The following CTU2 variants were observed in gnomAD, a reference collection of about 807,000 sequenced individuals.
CTU2 encodes cytoplasmic tRNA 2-thiolation protein 2.
CTU2 carries 80 observed loss-of-function variants against 64.1 expected under a neutral mutation model. The ratio of observed to expected loss-of-function variants is 1.25; its 90% CI spans 1.04 to 1.50. The LOEUF (loss-of-function observed/expected upper bound fraction) is 1.50. Ranked by LOEUF, CTU2 falls within the 40% of genes most tolerant of loss-of-function variation. CTU2 has a pLI of 0.00. For synonymous variants in CTU2, 482 were observed against 285.3 expected, an observed-to-expected ratio of 1.69 and a Z score of -6.95; for missense variants, 1,110 against 690.2, an observed-to-expected ratio of 1.61 and a Z score of -6.81.
At chr16:88,714,331 G>T in intron 10 of CTU2, 52 bp from the exon 11 acceptor site, 1 of 1,603,788 alleles carries the variant, frequency 6.2e-7, no homozygotes, top group Non-Finnish European at 8.5e-7. Flanking sequence ...AGGGCTTAGG[G>T]TGGAGCCCCA....
rs556577728 is a variant in CTU2 at position 88,714,808 on chromosome 16, T to C, written c.1353-52T>C. On this transcript the variant is annotated intron_variant, in intron 12 of 14. Coordinates refer to ENST00000453996, the MANE Select transcript of CTU2 (RefSeq NM_001012759.3). ...AGGGGGACCTGTCCTTACCCCACAC[T>C]GCACGGCATTGAGGTGCCAAGGTGG... is the stretch of plus-strand genomic sequence containing the variant. 6.8e-6 allele frequency: 11 copies of C among 1,611,254 alleles called. No homozygotes were observed. The South Asian group carries it at 1.2e-4, about 18-fold the overall frequency.
chr16:88,711,062 G>T (rs555604218), intron 4 of CTU2, among the ~76,000 whole-genome samples: 134 of 152,298 alleles, frequency 8.8e-4, no homozygotes, highest in African/African-American at 3.1e-3. Context: ...AGAGGAGAGG[G>T]GTCGGCTTTG....
chr16:88,706,959 G>C lies in CTU2; in HGVS notation c.69-177G>C, dbSNP rs568061891. Reference sequence around the variant, plus strand: ...CTTTTCTAGGCTAAACATCCCCCCAGAGCCTTTGTTTTTCTTGAAGTTTGG... The same window carrying C: ...CTTTTCTAGGCTAAACATCCCCCCACAGCCTTTGTTTTTCTTGAAGTTTGG... On this transcript the variant is annotated intron_variant, in intron 1 of 14. Coordinates refer to ENST00000453996, the MANE Select transcript of CTU2 (RefSeq NM_001012759.3). 3.9e-5 allele frequency: 25 copies of C among 646,776 alleles called. No homozygotes were observed. In the South Asian group the frequency reaches 4.8e-4, roughly 13 times the overall value. The allele number at this position is 646,776 out of a possible 1,614,324, so 40.1% of individuals were successfully genotyped here. A position where few individuals can be genotyped will look rare whatever the true frequency, so the allele number is the denominator to read the frequency against.
chr16:88,712,448 C>T (rs935559102), intron 6 of CTU2, 65 bp downstream of exon 6: 17 of 1,475,274 alleles, frequency 1.2e-5, no homozygotes, highest in Non-Finnish European at 1.5e-5. Flanking sequence ...GCCCGTGTCC[C>T]AGCCTCACTG....
intron 2 of CTU2, among the ~76,000 whole-genome samples, chr16:88,707,785 G>A (rs1456660713): frequency 7.1e-6 from 1 of 141,754 alleles, no homozygotes; most frequent in Non-Finnish European, 1.5e-5. Context: ...CCCAGTGGTG[G>A]TGCGTGGTTT....
Position 88,715,074 on chromosome 16 carries a change from C to T in CTU2, c.1446C>T (p.Tyr482=), listed in dbSNP as rs775139996. Residue 482 remains tyrosine (Y), a synonymous_variant, in exon 14 of 15, where the codon TAC becomes TAT. Transcript: ENST00000453996. ...CCTCACTGGACCCCCTGCCGCCGTA[C>T]ATCCTGGCTGAGGCCCAGCTCCGCA... is the stretch of plus-strand genomic sequence containing the variant. ...DLPSLDPLPP[Y]ILAEAQLRTQ... The T allele has an allele frequency of 1.5e-5, 24 of 1,575,166 alleles. No homozygotes were observed. In the South Asian group the frequency reaches 2.2e-4, roughly 15 times the overall value.
At chr16:88,713,522 C>G (rs1454583347) in intron 8 of CTU2, 75 bp downstream of exon 8, 14 of 1,510,468 alleles carry the variant, frequency 9.3e-6, no homozygotes, top group East Asian at 2.3e-5. Context: ...GGAGAGTAGC[C>G]TCTCGCGTAT....
intron 2 of CTU2, among the ~76,000 whole-genome samples, chr16:88,708,427 C>T (rs1166784194): frequency 6.6e-6 from 1 of 151,566 alleles, no homozygotes; most frequent in Non-Finnish European, 1.5e-5. Context: ...CACGTGGACC[C>T]ACCACGCTTG....
At position 88,712,853 on chromosome 16, in the gene CTU2, T is replaced by G. The variant is rs1283854644; in HGVS notation, c.685T>G (p.Phe229Val). 2 of 1,574,450 alleles carry G rather than the reference T, an allele frequency of 1.3e-6. No homozygotes were observed. The highest frequency in any genetic ancestry group is 4.5e-5 in the East Asian group (2 of 44,558). Reference protein sequence around the residue: ...PAQTEALSQLFCSVRTLTAKE... With the variant: ...PAQTEALSQLVCSVRTLTAKE... The stretch of plus-strand genomic sequence containing the variant: ...CCAGACTGAGGCTCTTTCCCAACTG[T>G]TCTGCTCAGTGAGGACACTGACTGC... The change falls in exon 7 of 15, where the codon TTC becomes GTC. Residue 229 changes from phenylalanine to valine, a missense_variant. Phe to Val is a conservative substitution (Grantham distance 50, BLOSUM62 -1). Transcript: ENST00000453996.
Position 88,713,345 on chromosome 16 carries a change from C to T in CTU2, c.771C>T (p.His257=), listed in dbSNP as rs73262667. 181,912 of 1,597,888 alleles carry T rather than the reference C, an allele frequency of 0.11. 11,883 individuals carry two copies. The highest frequency in any genetic ancestry group is 0.22 in the African/African-American group (16,300 of 73,146). Residue 257 remains histidine, a synonymous_variant, in exon 8 of 15, where the codon CAC becomes CAT. Transcript: ENST00000453996. ...TGATCCTCCACATGGCCCGAGCCCACGGCTACTCCAAGGTCATGACTGGGG... is the reference window on the plus strand; with the variant it reads ...TGATCCTCCACATGGCCCGAGCCCATGGCTACTCCAAGGTCATGACTGGGG... ...THLILHMARA[H]GYSKVMTGDS...
intron 1 of CTU2, chr16:88,706,843 T>C: frequency 1.8e-6 from 1 of 555,436 alleles, no homozygotes; most frequent in South Asian, 2.4e-5. Context: ...GCTGTCCTTA[T>C]TCGGAGAGAA....
intron 2 of CTU2, chr16:88,708,957 C>A (rs1232536108): frequency 6.6e-6 from 1 of 152,178 alleles, no homozygotes; most frequent in African/African-American, 2.4e-5. Flanking sequence ...GAGCCAGAGT[C>A]AGATGGCTGG....
chr16:88,707,296 C>T, intron 2 of CTU2, 86 bp downstream of exon 2: 3 of 1,271,246 alleles, frequency 2.4e-6, no homozygotes, highest in Admixed American at 1.7e-5. Context: ...TTTGTTAATT[C>T]TTTTTAAAAA....
chr16:88,706,522 G>C lies in CTU2; in HGVS notation c.-9G>C, dbSNP rs896514353. On this transcript the variant is annotated 5_prime_UTR_variant, in exon 1 of 15. Transcript: ENST00000453996. Reference sequence around the variant, plus strand: ...GCCGCCACAGTCTGCGACGGGACCCGGCGTGCCCATGTGTCAGGTGGGCGA... The same window carrying C: ...GCCGCCACAGTCTGCGACGGGACCCCGCGTGCCCATGTGTCAGGTGGGCGA... The C allele has an allele frequency of 1.3e-5, 18 of 1,439,280 alleles. No homozygotes were observed. Among genetic ancestry groups the C allele is most frequent in the Middle Eastern group, 2.4e-4 (1 of 4,204 alleles). The allele number at this position is 1,439,280 out of a possible 1,614,324, so 89.2% of individuals were successfully genotyped here. A position where few individuals can be genotyped will look rare whatever the true frequency, so the allele number is the denominator to read the frequency against.
rs754271225 is a variant in CTU2, at chr16:88,711,666, G to A, written c.314G>A (p.Arg105His). Residue 105 changes from arginine (R) to histidine (H), a missense_variant, in exon 5 of 15, where the codon CGC (arginine) becomes CAC (histidine). Coordinates refer to ENST00000453996, the MANE Select transcript of CTU2 (RefSeq NM_001012759.3). ...GLSQDSAKRLRFVAGVIFVDE... is the reference protein window; with the variant it reads ...GLSQDSAKRLHFVAGVIFVDE... ...AGCCAAGATTCTGCCAAAAGACTGCGCTTTGTGGCAGGAGTCATCTTTGTT... is the reference window on the plus strand; with the variant it reads ...AGCCAAGATTCTGCCAAAAGACTGCACTTTGTGGCAGGAGTCATCTTTGTT... 32 of 1,608,324 alleles carry A rather than the reference G, an allele frequency of 2.0e-5. No homozygotes were observed. Among genetic ancestry groups the A allele is most frequent in the East Asian group, 2.2e-5 (1 of 44,566 alleles).
chr16:88,709,811 C>T, intron 2 of CTU2, 127 bp from the exon 3 acceptor site: 2 of 822,312 alleles, frequency 2.4e-6, no homozygotes, highest in South Asian at 1.5e-5. Flanking sequence ...CTGGACAGAG[C>T]CTGGATGTGA....
chr16:88,711,842 CT>C (rs1399844357), intron 5 of CTU2, 147 bp downstream of exon 5: 3 of 702,108 alleles, frequency 4.3e-6, no homozygotes, highest in Non-Finnish European at 7.2e-6. Flanking sequence ...CACTGAGGGC[CT>C]GGTGGGGACA....
rs548132541 is a variant in CTU2 at position 88,714,670 on chromosome 16, C to T, written c.1285C>T (p.Pro429Ser). The T allele has an allele frequency of 9.3e-6, 15 of 1,612,332 alleles. No individual in the cohort carries two copies. Among genetic ancestry groups the T allele is most frequent in the Middle Eastern group, 1.7e-4 (1 of 6,060 alleles). Residue 429 changes from proline to serine, a missense_variant, in exon 12 of 15, where the codon CCC (proline) becomes TCC (serine). Coordinates refer to ENST00000453996, the MANE Select transcript of CTU2 (RefSeq NM_001012759.3). ...CATCCCCCTGACTGAGACCCGGACA[C>T]CCCCGGGGCCCTGCTGTTCTCCAGG... ...SPIPLTETRTPPGPCCSPGVG... is the reference protein window; with the variant it reads ...SPIPLTETRTSPGPCCSPGVG...
rs1910919117 is a variant in CTU2 at position 88,707,075 on chromosome 16, C to T, written c.69-61C>T. On this transcript the variant is annotated intron_variant, in intron 1 of 14. Coordinates refer to ENST00000453996, the MANE Select transcript of CTU2 (RefSeq NM_001012759.3). ...AAACAGGAGCTGTCTCCCCAAAGCC[C>T]ACTAGGCGTGGGGAAGATGTGATCT... The T allele has an allele frequency of 6.5e-6, 10 of 1,548,458 alleles. No homozygotes were observed. The East Asian group carries it at 1.1e-4, about 18-fold the overall frequency.
Sources: gnomAD v4.1 joint callset for allele counts (sites outside exome capture counted in the v4.1 genomes callset) on GRCh38, gnomAD v4.1.1 for gene constraint, MANE v1.5 for transcripts, NCBI Gene and HGNC (gene_info 2026-07-23, HGNC 2026-07-21) for gene names.